The following SSBP2 variants were observed in gnomAD, a reference collection of about 807,000 sequenced individuals.
SSBP2 encodes the protein single-stranded DNA-binding protein 2.
A neutral mutation model predicts 61.8 loss-of-function variants in SSBP2; 17 were observed. That is an observed-to-expected ratio of 0.28 (90% CI 0.19 to 0.41). SSBP2 has a LOEUF of 0.41. Ranked by LOEUF, SSBP2 falls within the 10% of genes least tolerant of loss-of-function variation. The pLI is 1.00. For missense variants in SSBP2, 310 were observed against 458.7 expected, an observed-to-expected ratio of 0.68 and a Z score of 2.96; for synonymous variants, 139 against 141.3, an observed-to-expected ratio of 0.98 and a Z score of 0.12.
chr5:81,688,996 G>A (rs1400415692), intron 1 of SSBP2, among the ~76,000 whole-genome samples: 1 of 152,018 alleles, frequency 6.6e-6, no homozygotes, highest in Non-Finnish European at 1.5e-5. Flanking sequence ...AAGGAACTCA[G>A]AATGTTATCA....
chr5:81,490,384 A>C (rs1425909554), intron 5 of SSBP2, among the ~76,000 whole-genome samples: 1 of 152,110 alleles, frequency 6.6e-6, no homozygotes, highest in Non-Finnish European at 1.5e-5. Context: ...CAGAAAAATT[A>C]TAATTTTGTT....
chr5:81,634,120 A>G (rs1411915469), intron 3 of SSBP2, among the ~76,000 whole-genome samples: 2 of 152,194 alleles, frequency 1.3e-5, no homozygotes, highest in Non-Finnish European at 2.9e-5. Flanking sequence ...TTGCCTCATT[A>G]TATTCTCCAG....
chr5:81,631,122 T>A (rs1747666610), intron 3 of SSBP2, among the ~76,000 whole-genome samples: 1 of 152,222 alleles, frequency 6.6e-6, no homozygotes, highest in Admixed American at 6.5e-5. Context: ...AATTTTATAC[T>A]ATTTACAAAA....
chr5:81,484,211 C>T (rs1231370368), intron 6 of SSBP2, among the ~76,000 whole-genome samples: 1 of 152,130 alleles, frequency 6.6e-6, no homozygotes, highest in African/African-American at 2.4e-5. Flanking sequence ...TATGTATTGA[C>T]TTATCCAAAA....
intron 1 of SSBP2, among the ~76,000 whole-genome samples, chr5:81,708,292 C>A (rs1034749457): frequency 6.6e-6 from 1 of 152,092 alleles, no homozygotes. Context: ...AAGAGTTATG[C>A]ATATAGTACA....
At chr5:81,737,661 G>A (rs568118797) in intron 1 of SSBP2, among the ~76,000 whole-genome samples, 18 of 151,482 alleles carry the variant, frequency 1.2e-4, no homozygotes, top group African/African-American at 3.4e-4. Flanking sequence ...GGTGGCGGGC[G>A]CCTGTAGTCC....
intron 1 of SSBP2, among the ~76,000 whole-genome samples, chr5:81,702,818 C>CT (rs1274442867): frequency 6.6e-6 from 1 of 152,060 alleles, no homozygotes; most frequent in East Asian, 1.9e-4. Context: ...TCTTCATTGC[C>CT]TTTAGCCAGC....
intron 1 of SSBP2, among the ~76,000 whole-genome samples, chr5:81,695,769 T>C (rs1299396360): frequency 6.6e-6 from 1 of 152,166 alleles, no homozygotes; most frequent in African/African-American, 2.4e-5. Flanking sequence ...TCTCTTTGCT[T>C]TGACTAAATG....
At chr5:81,702,254 C>T (rs1245842505) in intron 1 of SSBP2, among the ~76,000 whole-genome samples, 1 of 152,030 alleles carries the variant, frequency 6.6e-6, no homozygotes, top group Admixed American at 6.5e-5. Flanking sequence ...ACCTGTAGTC[C>T]CAGCTACTCA....
intron 1 of SSBP2, among the ~76,000 whole-genome samples, chr5:81,730,701 A>G (rs1053320355): frequency 6.6e-6 from 1 of 152,196 alleles, no homozygotes; most frequent in African/African-American, 2.4e-5. Context: ...TTTTCCATTG[A>G]CTAGATTTTA....
At position 81,541,373 on chromosome 5, in the gene SSBP2, CA is replaced by C. The variant is rs531193539; in HGVS notation, c.283-27657del. Among the ~76,000 whole-genome samples, 941 of 152,086 alleles carry C rather than the reference CA, an allele frequency of 6.2e-3. 6 individuals are homozygous for C. Among genetic ancestry groups the C allele is most frequent in the Middle Eastern group, 0.02 (6 of 294 alleles). ...GGCACTCTATAGATTCAATGCTATT[CA>C]TACCAAACTACCAATGTCATTTTTC... On this transcript the variant is annotated intron_variant, in intron 4 of 16. Transcript: ENST00000320672.
chr5:81,479,193 T>C (rs1765802609), intron 6 of SSBP2, among the ~76,000 whole-genome samples: 1 of 152,142 alleles, frequency 6.6e-6, no homozygotes, highest in South Asian at 2.1e-4. Flanking sequence ...ATCAGAAAAA[T>C]GTATACATCT....
At chr5:81,580,652 G>A (rs1360782327) in intron 4 of SSBP2, among the ~76,000 whole-genome samples, 1 of 151,608 alleles carries the variant, frequency 6.6e-6, no homozygotes, top group Non-Finnish European at 1.5e-5. Flanking sequence ...ATACAGTCAG[G>A]CCTAGTACAT....
intron 4 of SSBP2, among the ~76,000 whole-genome samples, chr5:81,552,352 T>A (rs1007044280): frequency 3.9e-5 from 6 of 152,038 alleles, no homozygotes; most frequent in African/African-American, 7.2e-5. Flanking sequence ...CAAAACAAAG[T>A]AAAGGCCGGG....
chr5:81,461,062 G>C lies in SSBP2; in HGVS notation c.680C>G (p.Ala227Gly). ...ATATATATATATACTCACTGAATTG[G>C]CATTTGTTGGGTTTGGCCAAGGTCT... Residue 227 changes from alanine to glycine, a missense_variant, in exon 10 of 17, where the codon GCC becomes GGC. Physicochemically the swap from Ala to Gly is moderately conservative, Grantham distance 60. Transcript: ENST00000320672. The C allele has an allele frequency of 6.4e-7, 1 of 1,566,010 alleles. No homozygotes were observed. The highest frequency in any genetic ancestry group is 8.7e-7 in the Non-Finnish European group (1 of 1,153,236).
chr5:81,498,564 TAC>T (rs1767461601), intron 5 of SSBP2, among the ~76,000 whole-genome samples: 1 of 152,038 alleles, frequency 6.6e-6, no homozygotes, highest in African/African-American at 2.4e-5. Context: ...GTAATAAAAA[TAC>T]ATTTACTATA....
At chr5:81,537,200 T>G (rs1770873777) in intron 4 of SSBP2, among the ~76,000 whole-genome samples, 1 of 152,108 alleles carries the variant, frequency 6.6e-6, no homozygotes, top group Non-Finnish European at 1.5e-5. Context: ...ATCCAAATTT[T>G]TGGGGGGGAT....
At chr5:81,465,840 C>T (rs547941422) in intron 9 of SSBP2, among the ~76,000 whole-genome samples, 1 of 152,070 alleles carries the variant, frequency 6.6e-6, no homozygotes, top group Admixed American at 6.6e-5. Flanking sequence ...CATGTGTATC[C>T]ATTTTTACTT....
chr5:81,479,086 T>C (rs2154029249), intron 6 of SSBP2, among the ~76,000 whole-genome samples: 1 of 152,340 alleles, frequency 6.6e-6, no homozygotes, highest in East Asian at 1.9e-4. Context: ...AAGTCAAGTC[T>C]CTAACTTTTA....
Sources: gnomAD v4.1 joint callset for allele counts (sites outside exome capture counted in the v4.1 genomes callset) on GRCh38, gnomAD v4.1.1 for gene constraint, MANE v1.5 for transcripts, NCBI Gene and HGNC (gene_info 2026-07-23, HGNC 2026-07-21) for gene names.